PTPRD: variants seen among roughly 807,000 people sequenced by gnomAD.
The protein encoded by PTPRD is protein tyrosine phosphatase receptor type D.
In PTPRD, 34 loss-of-function variants were observed where a neutral mutation model predicts 214.5. That is an observed-to-expected ratio of 0.16 (90% CI 0.12 to 0.21). The LOEUF (loss-of-function observed/expected upper bound fraction) is 0.21. Among genes scored for constraint, PTPRD ranks in the 10% least tolerant of loss-of-function variants. PTPRD has a pLI of 1.00. For synonymous variants in PTPRD, 1,128 were observed against 845.7 expected (o/e 1.33, Z -5.79); for missense variants, 2,545 against 2,398.7 (o/e 1.06, Z -1.27).
At chr9:10,125,647 TGTG>T (rs1171119821) in intron 3 of PTPRD, among the ~76,000 whole-genome samples, 3 of 150,804 alleles carry the variant, frequency 2.0e-5, no homozygotes, top group African/African-American at 7.3e-5. Flanking sequence ...TGTGTGTGTG[TGTG>T]TGTGTGTATT....
At chr9:9,597,438 A>C (rs962485223) in intron 7 of PTPRD, among the ~76,000 whole-genome samples, 2 of 152,088 alleles carry the variant, frequency 1.3e-5, no homozygotes, top group Admixed American at 6.6e-5. Flanking sequence ...ATAAGTCATT[A>C]AGCTAAAGGA....
In PTPRD at chr9:8,965,381, GA is replaced by G. The variant is rs34169157; in HGVS notation, c.-104+53315del. Among the ~76,000 whole-genome samples, 909 of 126,844 alleles carry G rather than the reference GA, an allele frequency of 7.2e-3. 8 individuals are homozygous for G. The highest frequency in any genetic ancestry group is 0.026 in the East Asian group (111 of 4,238). The allele number at this position is 126,844 out of a possible 152,430, so 83.2% of individuals were successfully genotyped here. On this transcript the variant is annotated intron_variant, in intron 11 of 45. Transcript: ENST00000381196. ...GGTGACAGAGCAATACTCTGCTTCA[GA>G]AAAAAAAAAAAAAAAATTCTTAGTT...
intron 2 of PTPRD, among the ~76,000 whole-genome samples, chr9:10,471,667 A>T (rs1361123510): frequency 6.6e-6 from 1 of 152,154 alleles, no homozygotes; most frequent in Non-Finnish European, 1.5e-5. Flanking sequence ...TATCAACTGA[A>T]ATTAATATTT....
intron 11 of PTPRD, among the ~76,000 whole-genome samples, chr9:8,911,667 A>T (rs2098749485): frequency 6.6e-6 from 1 of 152,168 alleles, no homozygotes; most frequent in South Asian, 2.1e-4. Context: ...TTAAAAAGCA[A>T]TAGGTGAACT....
Position 9,748,959 on chromosome 9 carries a change from G to A in PTPRD, c.-325-14388C>T, listed in dbSNP as rs185184380. Reference sequence around the variant, plus strand: ...CATGGCTGGTGATAATTTGAGGTGGGAAAAATCAATAGTGTGGCAAAACCC... The same window carrying A: ...CATGGCTGGTGATAATTTGAGGTGGAAAAAATCAATAGTGTGGCAAAACCC... On this transcript the variant is annotated intron_variant, in intron 6 of 45. Coordinates refer to ENST00000381196, the MANE Select transcript of PTPRD (RefSeq NM_002839.4). Among the ~76,000 whole-genome samples the A allele has an allele frequency of 7.1e-3, 1,077 of 152,212 alleles. 7 individuals carry two copies. The highest frequency in any genetic ancestry group is 0.011 in the Non-Finnish European group (740 of 67,992).
chr9:9,791,276 G>A (rs2098965434), intron 5 of PTPRD, among the ~76,000 whole-genome samples: 1 of 151,982 alleles, frequency 6.6e-6, no homozygotes, highest in Non-Finnish European at 1.5e-5. Context: ...AGGTGTTCTG[G>A]AATTATTTGT....
At chr9:10,184,861 T>G (rs1186772759) in intron 3 of PTPRD, among the ~76,000 whole-genome samples, 3 of 152,206 alleles carry the variant, frequency 2.0e-5, no homozygotes, top group Non-Finnish European at 4.4e-5. Flanking sequence ...AACTCTGTAA[T>G]TGGCAGTGAG....
intron 11 of PTPRD, among the ~76,000 whole-genome samples, chr9:8,924,580 C>A (rs2098853493): frequency 6.6e-6 from 1 of 152,108 alleles, no homozygotes; most frequent in Admixed American, 6.5e-5. Context: ...CTTGTCTTAG[C>A]ATCTCCCCAC....
At chr9:9,336,348 G>T (rs959050225) in intron 9 of PTPRD, among the ~76,000 whole-genome samples, 2 of 152,064 alleles carry the variant, frequency 1.3e-5, no homozygotes, top group African/African-American at 2.4e-5. Flanking sequence ...TGGAACTCAG[G>T]GAAGAATGTT....
intron 11 of PTPRD, among the ~76,000 whole-genome samples, chr9:8,921,702 C>T (rs1198893621): frequency 1.3e-5 from 2 of 152,054 alleles, no homozygotes; most frequent in Admixed American, 1.3e-4. Context: ...CCATGTTGGC[C>T]AGGCTAGTCT....
intron 8 of PTPRD, among the ~76,000 whole-genome samples, chr9:9,435,006 CAA>C (rs1192108057): frequency 5.9e-5 from 9 of 151,584 alleles, no homozygotes; most frequent in African/African-American, 1.9e-4. Context: ...ATGTTAAAGA[CAA>C]AGAGTATTTA....
chr9:9,865,948 C>T (rs1464869564), intron 5 of PTPRD, among the ~76,000 whole-genome samples: 1 of 152,142 alleles, frequency 6.6e-6, no homozygotes, highest in Non-Finnish European at 1.5e-5. Context: ...CAGTGTGTTC[C>T]TCCCATCTGA....
chr9:9,711,178 T>C (rs1306364216), intron 7 of PTPRD, among the ~76,000 whole-genome samples: 1 of 152,210 alleles, frequency 6.6e-6, no homozygotes, highest in African/African-American at 2.4e-5. Flanking sequence ...ATATTTATTT[T>C]AATGTTTAAT....
chr9:9,130,138 C>A (rs943663577), intron 10 of PTPRD, among the ~76,000 whole-genome samples: 1 of 152,028 alleles, frequency 6.6e-6, no homozygotes, highest in African/African-American at 2.4e-5. Context: ...AAGGTATTTT[C>A]AGGGGGGCTT....
intron 3 of PTPRD, among the ~76,000 whole-genome samples, chr9:10,158,967 G>A (rs924258306): frequency 6.6e-6 from 1 of 152,162 alleles, no homozygotes; most frequent in African/African-American, 2.4e-5. Flanking sequence ...GAGACCCCAA[G>A]TCAGAGTGGC....
rs2095730685 is a variant in PTPRD at position 8,782,090 on chromosome 9, TG to T, written c.-103-48145del. On this transcript the variant is annotated intron_variant, in intron 11 of 45. Transcript: ENST00000381196. The stretch of plus-strand genomic sequence containing the variant: ...GGTATAAAACATACCATAATGTTTA[TG>T]GTATAAAACATACCATAATGTTTAT... 5.7e-5 allele frequency among the ~76,000 whole-genome samples: 6 copies of T among 104,830 alleles called. No homozygotes were observed. The Admixed American group carries it at 6.4e-4, about 11-fold the overall frequency. The allele number at this position is 104,830 out of a possible 152,430, so 68.8% of individuals were successfully genotyped here.
intron 8 of PTPRD, among the ~76,000 whole-genome samples, chr9:9,468,741 T>C (rs183284463): frequency 1.5e-4 from 23 of 152,280 alleles, no homozygotes; most frequent in Admixed American, 1.5e-3. Context: ...AATTTTCACA[T>C]ATATTGAAAA....
rs550334337 is a variant in PTPRD at position 10,196,639 on chromosome 9, A to G, written c.-545+144324T>C. On this transcript the variant is annotated intron_variant, in intron 3 of 45. Transcript: ENST00000381196. ...GCCTTCAAGGGAAAATTCATATGAA[A>G]AAAGTGAGAATAATTCAACCCTACA... Among the ~76,000 whole-genome samples the G allele has an allele frequency of 7.2e-5, 11 of 152,298 alleles. No homozygotes were observed. In the South Asian group the frequency reaches 2.1e-3, roughly 29 times the overall value.
intron 10 of PTPRD, among the ~76,000 whole-genome samples, chr9:9,072,225 G>T (rs773308511): frequency 6.6e-6 from 1 of 151,158 alleles, no homozygotes; most frequent in African/African-American, 2.4e-5. Flanking sequence ...AAGCTTAGTA[G>T]GGTTAGAATC....
Sources: gnomAD v4.1 joint callset for allele counts (sites outside exome capture counted in the v4.1 genomes callset) on GRCh38, gnomAD v4.1.1 for gene constraint, MANE v1.5 for transcripts, NCBI Gene and HGNC (gene_info 2026-07-23, HGNC 2026-07-21) for gene names.